HMCN2: variants seen among roughly 807,000 people sequenced by gnomAD.
The protein encoded by HMCN2 is hemicentin 2, also known as hemicentin-2.
Under a neutral mutation model 377.5 loss-of-function variants are expected in HMCN2, and 325 were observed. The ratio of observed to expected loss-of-function variants is 0.86; its 90% CI spans 0.79 to 0.94. The LOEUF is 0.94. HMCN2 is among the 40% of genes least tolerant of loss of function. The probability of loss-of-function intolerance (pLI) is 0.00; values close to 1 mark genes in which losing one functional copy is unlikely to be tolerated. For synonymous variants in HMCN2, 2,007 were observed against 2,046.8 expected (o/e 0.98, Z 0.53); for missense variants, 4,543 against 4,725.3 (o/e 0.96, Z 1.13).
At chr9:130,404,312 C>T (rs1842985700) in intron 80 of HMCN2, among the ~76,000 whole-genome samples, 1 of 152,192 alleles carries the variant, frequency 6.6e-6, no homozygotes, top group Non-Finnish European at 1.5e-5. Flanking sequence ...AGTGGCCATC[C>T]CCGCCCGCAG....
At chr9:130,275,854 T>TTGGAGGCC (rs11280762) in intron 1 of HMCN2, among the ~76,000 whole-genome samples, 119,768 of 150,936 alleles carry the variant, frequency 0.79, 47,872 homozygotes, top group African/African-American at 0.9. Context: ...ACGTCCCTCC[T>TTGGAGGCC]TGGAGGCCTG....
Position 130,361,904 on chromosome 9 carries a change from T to G in HMCN2, c.5951-104T>G, listed in dbSNP as rs1840406385. ...CGTGTCTGGATGGCTGTCCTTGTGC[T>G]TTTGCTGTGGCTGTGTGCTCCTGCA... On this transcript the variant is annotated intron_variant, in intron 38 of 97. Coordinates refer to ENST00000683500, the MANE Select transcript of HMCN2 (RefSeq NM_001291815.2). The surrounding 1 kb of genome is among the most constrained non-coding windows in gnomAD (Gnocchi z 4.8). The G allele has an allele frequency of 7.9e-6, 6 of 758,864 alleles. No individual in the cohort carries two copies. The highest frequency in any genetic ancestry group is 9.6e-6 in the Non-Finnish European group (6 of 622,932). The allele number at this position is 758,864 out of a possible 1,614,324, so 47.0% of individuals were successfully genotyped here.
At chr9:130,326,977 C>T (rs1029000242) in intron 21 of HMCN2, among the ~76,000 whole-genome samples, 1 of 151,990 alleles carries the variant, frequency 6.6e-6, no homozygotes, top group Non-Finnish European at 1.5e-5. Flanking sequence ...AGTTCAGAGC[C>T]TTTCAGAATG....
intron 59 of HMCN2, 35 bp from the exon 60 acceptor site, chr9:130,385,525 C>T: frequency 7.8e-7 from 1 of 1,276,286 alleles, no homozygotes; most frequent in African/African-American, 1.5e-5. Flanking sequence ...GCAGGGACAG[C>T]TGCAGCACCT....
rs1447087015 is a variant in HMCN2, at chr9:130,307,347, C to T, written c.2087-106C>T. The T allele has an allele frequency of 1.6e-4, 72 of 451,200 alleles. 1 individual carries two copies. Among genetic ancestry groups the T allele is most frequent in the South Asian group, 1.0e-3 (64 of 61,788 alleles). 27.9% of individuals were successfully genotyped at this position (451,200 alleles called of 1,614,324 possible). A position where few individuals can be genotyped will look rare whatever the true frequency, so the allele number is the denominator to read the frequency against. ...GGTGCTCCAGGGGCAGCAAGGAGGC[C>T]GGTGTGGTGAGTTGGGATGAGGGAG... On this transcript the variant is annotated intron_variant, in intron 13 of 97. Transcript: ENST00000683500.
chr9:130,274,735 A>G (rs1834590495), intron 1 of HMCN2, among the ~76,000 whole-genome samples: 2 of 152,220 alleles, frequency 1.3e-5, no homozygotes, highest in Non-Finnish European at 2.9e-5. Context: ...AAAAAATTAT[A>G]GTACGTAAAG....
intron 22 of HMCN2, among the ~76,000 whole-genome samples, chr9:130,335,829 G>A (rs920506904): frequency 8.5e-5 from 13 of 152,304 alleles, no homozygotes; most frequent in African/African-American, 1.7e-4. Flanking sequence ...GAAGGGGCAC[G>A]TCTTCATGTC....
Position 130,399,579 on chromosome 9 carries a change from T to A in HMCN2, c.11552T>A (p.Val3851Glu), listed in dbSNP as rs1842768501. ...CAGGACTCAGCCCAGTTTGAATGCG[T>A]GGTGAGCAATGAGGTGGGCGAGGCC... Reference protein sequence around the residue: ...GPQDSAQFECVVSNEVGEAHR... With the variant: ...GPQDSAQFECEVSNEVGEAHR... The change falls in exon 76 of 98, where the codon GTG becomes GAG. Residue 3851 changes from valine to glutamate, a missense_variant. Val to Glu is a moderately radical substitution (Grantham distance 121). This residue lies in a region of HMCN2 where 1,073 missense variants were observed against 1,319.5 expected (regional missense o/e 0.81). Transcript: ENST00000683500. 1 of 1,289,492 alleles carries A rather than the reference T, an allele frequency of 7.8e-7. No homozygotes were observed. Among genetic ancestry groups the A allele is most frequent in the East Asian group, 5.6e-5 (1 of 17,962 alleles). The allele number at this position is 1,289,492 out of a possible 1,614,324, so 79.9% of individuals were successfully genotyped here.
At position 130,405,997 on chromosome 9, in the gene HMCN2, G is replaced by A. The variant is rs937682562; in HGVS notation, c.12382G>A (p.Val4128Met). ...GTYTCTAENA[V>M]GRARRRVHLT... ...CTATACCTGTACCGCTGAGAACGCC[G>A]TGGGCCGGGCCCGCCGCCGCGTGCA... The change falls in exon 82 of 98, where the codon GTG (valine) becomes ATG (methionine). Residue 4128 changes from valine (V) to methionine (M), a missense_variant. Val to Met is a conservative substitution (Grantham distance 21). Coordinates refer to ENST00000683500, the MANE Select transcript of HMCN2 (RefSeq NM_001291815.2). The A allele has an allele frequency of 2.7e-5, 35 of 1,289,484 alleles. No individual in the cohort carries two copies. Among genetic ancestry groups the A allele is most frequent in the African/African-American group, 4.6e-5 (3 of 65,854 alleles). The allele number at this position is 1,289,484 out of a possible 1,614,324, so 79.9% of individuals were successfully genotyped here.
At chr9:130,356,409 A>G (rs1457162751) in intron 34 of HMCN2, 152 bp downstream of exon 34, 3 of 518,572 alleles carry the variant, frequency 5.8e-6, no homozygotes, top group Non-Finnish European at 7.4e-6. Context: ...ACAGAGACGC[A>G]GGTGTGAGAG....
At position 130,354,837 on chromosome 9, in the gene HMCN2, G is replaced by C; in HGVS notation, c.4939G>C (p.Glu1647Gln). 1 of 1,304,274 alleles carries C rather than the reference G, an allele frequency of 7.7e-7. No homozygotes were observed. Among genetic ancestry groups the C allele is most frequent in the Non-Finnish European group, 1.0e-6 (1 of 988,940 alleles). The allele number at this position is 1,304,274 out of a possible 1,614,324, so 80.8% of individuals were successfully genotyped here. ...TGTGGCTGGGAGGCCTGTGGCGCTG[G>C]AGTGCGTGGCCAGAGGCCACCCGTC... ...KAVAGRPVALECVARGHPSPT... is the reference protein window; with the variant it reads ...KAVAGRPVALQCVARGHPSPT... The change falls in exon 32 of 98, where the codon GAG (glutamate) becomes CAG (glutamine). Residue 1647 changes from glutamate (E) to glutamine (Q), a missense_variant. By Grantham distance (29) the Glu-to-Gln change is conservative. Transcript: ENST00000683500.
In HMCN2 at chr9:130,402,854, T is replaced by G. The variant is rs1842919991; in HGVS notation, c.11836T>G (p.Ser3946Ala). The G allele has an allele frequency of 7.8e-7, 1 of 1,289,722 alleles. No homozygotes were observed. The highest frequency in any genetic ancestry group is 1.0e-6 in the Non-Finnish European group (1 of 988,854). The allele number at this position is 1,289,722 out of a possible 1,614,324, so 79.9% of individuals were successfully genotyped here. A position where few individuals can be genotyped will look rare whatever the true frequency, so the allele number is the denominator to read the frequency against. The change falls in exon 78 of 98, where the codon TCT becomes GCT. Residue 3946 changes from serine to alanine, a missense_variant. By Grantham distance (99) the Ser-to-Ala change is moderately conservative. This residue lies in a region of HMCN2 where 1,073 missense variants were observed against 1,319.5 expected (regional missense o/e 0.81). Coordinates refer to ENST00000683500, the MANE Select transcript of HMCN2 (RefSeq NM_001291815.2). The part of the protein sequence containing the change: ...AGRYTCSARN[S>A]AGVAHKHVFL... ...CCGCTACACCTGCTCAGCCCGCAAC[T>G]CTGCCGGCGTAGCCCACAAGCACGT...
Position 130,359,399 on chromosome 9 carries a change from G to A in HMCN2, c.5758G>A (p.Gly1920Ser). 7.7e-7 allele frequency: 1 copy of A among 1,302,316 alleles called. No homozygotes were observed. Among genetic ancestry groups the A allele is most frequent in the Non-Finnish European group, 1.0e-6 (1 of 987,404 alleles). 80.7% of individuals were successfully genotyped at this position (1,302,316 alleles called of 1,614,324 possible). A position where few individuals can be genotyped will look rare whatever the true frequency, so the allele number is the denominator to read the frequency against. ...AGTGACCTTGGAGTGTCTGGCTTCG[G>A]GCGTGCCCCCTCCTGGTAAGACCCC... ...ASVTLECLAS[G>S]VPPPDVSWFK... The change falls in exon 37 of 98, where the codon GGC becomes AGC. Residue 1920 changes from glycine to serine, a missense_variant. Around this residue, in one of 5 missense-constraint regions of HMCN2, gnomAD observed 1,032 missense variants for 1,285.1 expected, o/e 0.80. Coordinates refer to ENST00000683500, the MANE Select transcript of HMCN2 (RefSeq NM_001291815.2).
Position 130,399,549 on chromosome 9 carries a change from GC to G in HMCN2, c.11527del (p.Gln3843ArgfsTer10). On this transcript the variant is annotated frameshift_variant, in exon 76 of 98. Transcript: ENST00000683500. LOFTEE classifies it high-confidence loss of function. ...AACGCCCTGCTCCTCACGGCCCCCG[GC>G]CCCCAGGACTCAGCCCAGTTTGAAT... The part of the protein sequence containing the change: ...PSNALLLTAP[G>X]PQDSAQFECV... 1.6e-6 allele frequency: 2 copies of G among 1,289,408 alleles called. No individual in the cohort carries two copies. Among genetic ancestry groups the G allele is most frequent in the South Asian group, 2.5e-5 (2 of 80,966 alleles). 79.9% of individuals were successfully genotyped at this position (1,289,408 alleles called of 1,614,324 possible). A position where few individuals can be genotyped will look rare whatever the true frequency, so the allele number is the denominator to read the frequency against.
chr9:130,393,812 C>T lies in HMCN2; in HGVS notation c.10305C>T (p.Leu3435=). The change falls in exon 68 of 98, where the codon CTC becomes CTT. Residue 3435 remains leucine (L), a synonymous_variant. Coordinates refer to ENST00000683500, the MANE Select transcript of HMCN2 (RefSeq NM_001291815.2). This position sits in a 1 kb window ranked among gnomAD's most constrained non-coding sequence, Gnocchi z 5.2. ...TGGTTCGTGGCTCCCTGGTGGAACT[C>T]CCGTGCGAGGCCCGGGGCGTTCCCC... ...VVVVRGSLVE[L]PCEARGVPLP... is the part of the protein sequence containing the mutation. 2 of 1,287,860 alleles carry T rather than the reference C, an allele frequency of 1.6e-6. No homozygotes were observed. Among genetic ancestry groups the T allele is most frequent in the South Asian group, 2.5e-5 (2 of 80,754 alleles). 79.8% of individuals were successfully genotyped at this position (1,287,860 alleles called of 1,614,324 possible).
At chr9:130,336,540 A>G (rs1838754848) in intron 22 of HMCN2, among the ~76,000 whole-genome samples, 1 of 152,118 alleles carries the variant, frequency 6.6e-6, no homozygotes, top group Admixed American at 6.5e-5. Flanking sequence ...GACTTGCCCA[A>G]CCTCACACAG....
Position 130,430,271 on chromosome 9 carries a change from C to A in HMCN2, c.14327-13C>A. 1 of 1,527,590 alleles carries A rather than the reference C, an allele frequency of 6.5e-7. No homozygotes were observed. 94.6% of individuals were successfully genotyped at this position (1,527,590 alleles called of 1,614,324 possible). ...GGCCACCTGTGCACACACCTGACCCCACCCGTCTGCAGATGTCAATGAGTG... is the reference window on the plus strand; with the variant it reads ...GGCCACCTGTGCACACACCTGACCCAACCCGTCTGCAGATGTCAATGAGTG... On this transcript the variant is annotated splice_polypyrimidine_tract_variant and intron_variant, in intron 94 of 97. Transcript: ENST00000683500.
chr9:130,355,841 G>T lies in HMCN2; in HGVS notation c.5242G>T (p.Val1748Leu). 1 of 1,303,202 alleles carries T rather than the reference G, an allele frequency of 7.7e-7. No homozygotes were observed. The highest frequency in any genetic ancestry group is 1.0e-6 in the Non-Finnish European group (1 of 988,252). 80.7% of individuals were successfully genotyped at this position (1,303,202 alleles called of 1,614,324 possible). Reference protein sequence around the residue: ...ELPCQASGSPVPTIQWLQNGR... With the variant: ...ELPCQASGSPLPTIQWLQNGR... ...TCCCTGCCAGGCCTCAGGCTCCCCA[G>T]TACCCACTATCCAGTGAGTCTGGGG... is the stretch of plus-strand genomic sequence containing the variant. The change falls in exon 33 of 98, where the codon GTA becomes TTA. Residue 1748 changes from valine to leucine, a missense_variant. By Grantham distance (32) the Val-to-Leu change is conservative. Around this residue, in one of 5 missense-constraint regions of HMCN2, gnomAD observed 1,032 missense variants for 1,285.1 expected, o/e 0.80. Transcript: ENST00000683500.
intron 89 of HMCN2, 145 bp downstream of exon 89, chr9:130,425,275 G>A (rs1464541030): frequency 1.0e-6 from 1 of 959,170 alleles, no homozygotes; most frequent in Non-Finnish European, 1.5e-6. Flanking sequence ...TTGGACTTAG[G>A]GTAGGATGAG....
Sources: allele counts gnomAD v4.1 joint callset (sites outside exome capture counted in the v4.1 genomes callset), GRCh38; gene constraint gnomAD v4.1.1; regional missense constraint gnomAD v4.1.1; non-coding constraint Gnocchi (gnomAD v3.1); transcripts MANE v1.5; gene names NCBI Gene and HGNC (gene_info 2026-07-23, HGNC 2026-07-21).